AMMECR1L: variants seen among roughly 807,000 people sequenced by gnomAD.
The protein encoded by AMMECR1L is AMMECR1 like.
AMMECR1L carries 4 observed loss-of-function variants against 36.8 expected under a neutral mutation model. That is an observed-to-expected ratio of 0.11 (90% CI 0.05 to 0.25). The LOEUF (loss-of-function observed/expected upper bound fraction) is 0.25. AMMECR1L is among the 10% of genes least tolerant of loss of function. The pLI, the probability that AMMECR1L is intolerant of heterozygous loss-of-function variation, is 1.00. For missense variants in AMMECR1L, 232 were observed against 392.1 expected, an observed-to-expected ratio of 0.59 and a Z score of 3.45; for synonymous variants, 147 against 148.0, an observed-to-expected ratio of 0.99 and a Z score of 0.05.
chr2:127,881,325 G>A (rs1169330140), intron 2 of AMMECR1L, among the ~76,000 whole-genome samples: 2 of 150,602 alleles, frequency 1.3e-5, no homozygotes, highest in African/African-American at 4.8e-5. Context: ...TATTGAGACT[G>A]CTATTGACAC....
chr2:127,880,557 A>G (rs1400385799), intron 2 of AMMECR1L, among the ~76,000 whole-genome samples: 2 of 151,934 alleles, frequency 1.3e-5, no homozygotes, highest in African/African-American at 4.8e-5. Flanking sequence ...TACACACTCA[A>G]GGGGGCCCTG....
Position 127,871,254 on chromosome 2 carries a change from T to C in AMMECR1L, c.513A>G (p.Leu171=), listed in dbSNP as rs558860965. Residue 171 remains leucine, a synonymous_variant, in exon 4 of 8, where the codon TTA becomes TTG. Transcript: ENST00000272647. This position sits in a 1 kb window ranked among gnomAD's most constrained non-coding sequence, Gnocchi z 4.3. ...TTAATGTCTGGTGTCATTACCTGGT[T>C]AACGTGTATTCCCTGAGTCCTGAAT... is the stretch of plus-strand genomic sequence containing the variant. ...NLHSGLREYT[L]TSALKDSRFP... The C allele has an allele frequency of 6.2e-7, 1 of 1,614,136 alleles. No homozygotes were observed. The highest frequency in any genetic ancestry group is 1.3e-5 in the African/African-American group (1 of 75,052).
In AMMECR1L at chr2:127,864,194, C is replaced by G. The variant is rs1690582927; in HGVS notation, c.*900G>C. The G allele has an allele frequency of 6.5e-6, 1 of 152,718 alleles. No individual in the cohort carries two copies. Among genetic ancestry groups the G allele is most frequent in the Admixed American group, 6.5e-5 (1 of 15,292 alleles). 9.5% of individuals were successfully genotyped at this position (152,718 alleles called of 1,614,324 possible). A position where few individuals can be genotyped will look rare whatever the true frequency, so the allele number is the denominator to read the frequency against. On this transcript the variant is annotated 3_prime_UTR_variant, in exon 8 of 8. Transcript: ENST00000272647. ...CCAACTCAATCGCTTGTTTGCACAT[C>G]TACGCTTCTGAGAACTTAGGTCCAG...
At chr2:127,867,818 G>A (rs1476406314) in intron 6 of AMMECR1L, among the ~76,000 whole-genome samples, 1 of 151,814 alleles carries the variant, frequency 6.6e-6, no homozygotes, top group East Asian at 1.9e-4. Flanking sequence ...GAAGGAAGGA[G>A]CTGTTCCTTC....
chr2:127,865,062 C>CA lies in AMMECR1L; in HGVS notation c.*31_*32insT. ...ATGATGTCATAGCCATTGGTGGCCA[C>CA]GGGGGGGTGGGACTGGTCATGCAGC... On this transcript the variant is annotated 3_prime_UTR_variant, in exon 8 of 8. Coordinates refer to ENST00000272647, the MANE Select transcript of AMMECR1L (RefSeq NM_001199140.2). The surrounding 1 kb of genome is among the most constrained non-coding windows in gnomAD (Gnocchi z 5.4). 1 of 1,529,460 alleles carries CA rather than the reference C, an allele frequency of 6.5e-7. No homozygotes were observed. The highest frequency in any genetic ancestry group is 9.0e-7 in the Non-Finnish European group (1 of 1,110,106). 94.7% of individuals were successfully genotyped at this position (1,529,460 alleles called of 1,614,324 possible).
intron 2 of AMMECR1L, among the ~76,000 whole-genome samples, chr2:127,880,888 T>C (rs1691469910): frequency 6.6e-6 from 1 of 152,192 alleles, no homozygotes; most frequent in Non-Finnish European, 1.5e-5. Flanking sequence ...TGAGGATGAC[T>C]GAATTACAAG....
intron 1 of AMMECR1L, 191 bp downstream of exon 1, chr2:127,885,619 G>C (rs1691740028): frequency 1.0e-6 from 1 of 982,210 alleles, no homozygotes; most frequent in South Asian, 4.8e-5. Context: ...GACATGGCCT[G>C]AGGCCCCGCC....
At chr2:127,875,155 ATT>A in intron 2 of AMMECR1L, among the ~76,000 whole-genome samples, 1 of 150,470 alleles carries the variant, frequency 6.6e-6, no homozygotes. Flanking sequence ...GAAGGAAGGG[ATT>A]TTTTTTTTAA....
chr2:127,876,418 C>T lies in AMMECR1L; in HGVS notation c.-38-2146G>A, dbSNP rs1297417716. The stretch of plus-strand genomic sequence containing the variant: ...GCGGTGGGGATCCTCTCACTACAGC[C>T]TCCCCAGTAGCTGTCATTATAGGTG... On this transcript the variant is annotated intron_variant, in intron 2 of 7. Coordinates refer to ENST00000272647, the MANE Select transcript of AMMECR1L (RefSeq NM_001199140.2). 2.6e-5 allele frequency among the ~76,000 whole-genome samples: 4 copies of T among 151,628 alleles called. No homozygotes were observed. The East Asian group carries it at 7.8e-4, about 29-fold the overall frequency.
chr2:127,884,052 C>CAA (rs772087955), intron 2 of AMMECR1L, among the ~76,000 whole-genome samples, 151 bp downstream of exon 2: 1 of 152,144 alleles, frequency 6.6e-6, no homozygotes, highest in Non-Finnish European at 1.5e-5. Flanking sequence ...TAAAAGGGAA[C>CAA]AAGCGGAAAA....
At position 127,874,313 on chromosome 2, in the gene AMMECR1L, G is replaced by C; in HGVS notation, c.-38-41C>G. On this transcript the variant is annotated intron_variant, in intron 2 of 7. Transcript: ENST00000272647. This position sits in a 1 kb window ranked among gnomAD's most constrained non-coding sequence, Gnocchi z 5.2. ...AGTTAAGCATTAATTTGACTGGTTA[G>C]TTAAAAGGAGAGGAAAAAACATCAA... The C allele has an allele frequency of 1.3e-6, 2 of 1,537,068 alleles. No individual in the cohort carries two copies. Among genetic ancestry groups the C allele is most frequent in the Non-Finnish European group, 1.7e-6 (2 of 1,143,020 alleles).
intron 5 of AMMECR1L, 62 bp downstream of exon 5, chr2:127,870,752 A>G (rs1393727693): frequency 1.5e-6 from 2 of 1,304,088 alleles, no homozygotes; most frequent in Non-Finnish European, 2.2e-6. Flanking sequence ...ATACATTGCC[A>G]TGTACTAACC....
chr2:127,875,937 G>C (rs1691218435), intron 2 of AMMECR1L, among the ~76,000 whole-genome samples: 1 of 151,878 alleles, frequency 6.6e-6, no homozygotes, highest in Admixed American at 6.6e-5. Flanking sequence ...AGGACTGCAG[G>C]TACACACCAC....
chr2:127,880,773 T>TACAC (rs56950354), intron 2 of AMMECR1L, among the ~76,000 whole-genome samples: 30,734 of 148,870 alleles, frequency 0.21, 3,769 homozygotes, highest in South Asian at 0.39. Flanking sequence ...ACATACAGTA[T>TACAC]ACACACACAC....
intron 1 of AMMECR1L, among the ~76,000 whole-genome samples, chr2:127,884,572 T>C (rs1691666867): frequency 6.6e-6 from 1 of 152,176 alleles, no homozygotes; most frequent in Non-Finnish European, 1.5e-5. Context: ...AAAGGTTTTA[T>C]TTATTGAACT....
In AMMECR1L at chr2:127,869,514, T is replaced by C; in HGVS notation, c.664A>G (p.Ile222Val). ...VGVHGIRIEF[I>V]NEKGVKRTAT... is the part of the protein sequence containing the mutation. ...GTGCGTTTGACACCTTTTTCATTAA[T>C]GAATTCAATTCGAATCCCATGGACC... The change falls in exon 6 of 8, where the codon ATT becomes GTT. Residue 222 changes from isoleucine (I) to valine (V), a missense_variant. Transcript: ENST00000272647. The surrounding 1 kb of genome is among the most constrained non-coding windows in gnomAD (Gnocchi z 4.7). 11 of 1,614,144 alleles carry C rather than the reference T, an allele frequency of 6.8e-6. No individual in the cohort carries two copies. Among genetic ancestry groups the C allele is most frequent in the Non-Finnish European group, 9.3e-6 (11 of 1,179,984 alleles).
intron 2 of AMMECR1L, among the ~76,000 whole-genome samples, chr2:127,876,652 GCC>G (rs1328776839): frequency 6.6e-6 from 1 of 152,028 alleles, no homozygotes; most frequent in African/African-American, 2.4e-5. Flanking sequence ...ACCTCTTTCT[GCC>G]TCAGTTTACT....
At position 127,862,895 on chromosome 2, in the gene AMMECR1L, T is replaced by A. The variant is rs919134445; in HGVS notation, c.*2199A>T. 3.3e-5 allele frequency: 5 copies of A among 151,852 alleles called. No homozygotes were observed. Among genetic ancestry groups the A allele is most frequent in the African/African-American group, 1.2e-4 (5 of 41,194 alleles). The allele number at this position is 151,852 out of a possible 1,614,324, so 9.4% of individuals were successfully genotyped here. On this transcript the variant is annotated 3_prime_UTR_variant, in exon 8 of 8. Transcript: ENST00000272647. ...AATAAAATAAAATAAAATAAAATAATAAAATAAAATAACATACCATACATT... is the reference window on the plus strand; with the variant it reads ...AATAAAATAAAATAAAATAAAATAAAAAAATAAAATAACATACCATACATT...
Position 127,862,861 on chromosome 2 carries a change from C to A in AMMECR1L, c.*2233G>T, listed in dbSNP as rs954537830. On this transcript the variant is annotated 3_prime_UTR_variant, in exon 8 of 8. Transcript: ENST00000272647. ...CTTAAATGGCAGGTATCGTACCCCCCCTCGATAAAATAAAATAAAATAAAA... is the reference window on the plus strand; with the variant it reads ...CTTAAATGGCAGGTATCGTACCCCCACTCGATAAAATAAAATAAAATAAAA... 2 of 150,798 alleles carry A rather than the reference C, an allele frequency of 1.3e-5. No individual in the cohort carries two copies. Among genetic ancestry groups the A allele is most frequent in the African/African-American group, 2.5e-5 (1 of 40,532 alleles). 9.3% of individuals were successfully genotyped at this position (150,798 alleles called of 1,614,324 possible). A position where few individuals can be genotyped will look rare whatever the true frequency, so the allele number is the denominator to read the frequency against.
Sources: allele counts gnomAD v4.1 joint callset (sites outside exome capture counted in the v4.1 genomes callset), GRCh38; gene constraint gnomAD v4.1.1; non-coding constraint Gnocchi (gnomAD v3.1); transcripts MANE v1.5; gene names NCBI Gene and HGNC (gene_info 2026-07-23, HGNC 2026-07-21).